The following SFI1 variants were observed in gnomAD, a reference collection of about 807,000 sequenced individuals.
SFI1 encodes SFI1 centrin binding protein.
Under a neutral mutation model 207.5 loss-of-function variants are expected in SFI1, and 195 were observed. The ratio of observed to expected loss-of-function variants is 0.94; its 90% CI spans 0.84 to 1.06. SFI1 has a LOEUF of 1.06. Among genes scored for constraint, SFI1 ranks in the 50% least tolerant of loss-of-function variants. SFI1 has a pLI of 0.00. For missense variants in SFI1, 1,634 were observed against 1,588.0 expected, an observed-to-expected ratio of 1.03 and a Z score of -0.49; for synonymous variants, 630 against 598.9, an observed-to-expected ratio of 1.05 and a Z score of -0.76.
chr22:31,574,920 G>C (rs1432603220), intron 9 of SFI1, among the ~76,000 whole-genome samples: 2 of 152,022 alleles, frequency 1.3e-5, no homozygotes. Context: ...TCAGCCAGGG[G>C]TGGTGGCACA....
intron 2 of SFI1, chr22:31,521,262 A>T: frequency 5.3e-6 from 1 of 187,768 alleles, no homozygotes; most frequent in Non-Finnish European, 1.2e-5. Flanking sequence ...GAATGACACC[A>T]TCACCAGCAA....
At chr22:31,575,722 A>G (rs1260268371) in intron 10 of SFI1, among the ~76,000 whole-genome samples, 1 of 151,932 alleles carries the variant, frequency 6.6e-6, no homozygotes, top group Admixed American at 6.6e-5. Context: ...CCTGATTCAC[A>G]TTTTTTGGTG....
chr22:31,518,312 T>C (rs1469078784), intron 2 of SFI1, among the ~76,000 whole-genome samples: 1 of 152,158 alleles, frequency 6.6e-6, no homozygotes, highest in Non-Finnish European at 1.5e-5. Context: ...GTGGTTTTAA[T>C]TGAGATTACT....
At chr22:31,597,485 C>T (rs529869863) in intron 15 of SFI1, among the ~76,000 whole-genome samples, 2 of 152,274 alleles carry the variant, frequency 1.3e-5, no homozygotes, top group South Asian at 2.1e-4. Context: ...TATGCTCTGT[C>T]GCCTGCCAGC....
At chr22:31,612,993 G>A (rs532323414) in intron 24 of SFI1, 149 bp from the exon 25 acceptor site, 133 of 735,350 alleles carry the variant, frequency 1.8e-4, no homozygotes, top group Non-Finnish European at 2.4e-4. Context: ...GCATCTCACC[G>A]CCAGGCACAA....
chr22:31,598,458 C>T (rs984668712), intron 15 of SFI1, among the ~76,000 whole-genome samples: 5 of 150,722 alleles, frequency 3.3e-5, no homozygotes, highest in Admixed American at 6.6e-5. Flanking sequence ...TTTTTCTTGT[C>T]GCCCAGGCTG....
At position 31,576,326 on chromosome 22, in the gene SFI1, C is replaced by CT. The variant is rs962995134; in HGVS notation, c.1084+946dup. 5.2e-3 allele frequency among the ~76,000 whole-genome samples: 634 copies of CT among 122,344 alleles called. 4 individuals carry two copies. Among genetic ancestry groups the CT allele is most frequent in the African/African-American group, 0.012 (385 of 32,640 alleles). The allele number at this position is 122,344 out of a possible 152,430, so 80.3% of individuals were successfully genotyped here. A position where few individuals can be genotyped will look rare whatever the true frequency, so the allele number is the denominator to read the frequency against. On this transcript the variant is annotated intron_variant, in intron 10 of 32. Transcript: ENST00000400288. ...AGGCATGAGCCAGCGTACCCAGCCT[C>CT]TTTTTTTTTTTTGAGACAGAGTCTC...
chr22:31,509,957 G>A (rs1331990409), intron 2 of SFI1, among the ~76,000 whole-genome samples: 2 of 151,866 alleles, frequency 1.3e-5, no homozygotes, highest in African/African-American at 4.8e-5. Context: ...GTCTCGCTCT[G>A]TTGCCCAGGC....
intron 2 of SFI1, among the ~76,000 whole-genome samples, chr22:31,523,574 G>A (rs533998511): frequency 9.9e-5 from 15 of 152,240 alleles, no homozygotes; most frequent in African/African-American, 3.1e-4. Flanking sequence ...TGTGAAGTCC[G>A]TTATCTCTTT....
intron 3 of SFI1, among the ~76,000 whole-genome samples, chr22:31,529,441 G>A (rs910476350): frequency 1.3e-5 from 2 of 152,000 alleles, no homozygotes; most frequent in Non-Finnish European, 1.5e-5. Flanking sequence ...CACGAGAATC[G>A]CTTGAACCTG....
At chr22:31,566,558 C>T (rs1246237012) in intron 8 of SFI1, among the ~76,000 whole-genome samples, 1 of 152,234 alleles carries the variant, frequency 6.6e-6, no homozygotes, top group African/African-American at 2.4e-5. Context: ...GGAATTCTGC[C>T]TCTATCACCT....
In SFI1 at chr22:31,590,974, TA is replaced by T. The variant is rs1360458391; in HGVS notation, c.1544+1398del. 8.7e-3 allele frequency among the ~76,000 whole-genome samples: 1,302 copies of T among 149,244 alleles called. 15 individuals are homozygous for T. The highest frequency in any genetic ancestry group is 0.048 in the Middle Eastern group (14 of 294). ...CTTTTTATTTATTTATTTATTTATT[TA>T]TTTATTTTTTTATTGATAATTCTTG... is the stretch of plus-strand genomic sequence containing the variant. On this transcript the variant is annotated intron_variant, in intron 15 of 32. Coordinates refer to ENST00000400288, the MANE Select transcript of SFI1 (RefSeq NM_001007467.3).
intron 28 of SFI1, 86 bp from the exon 29 acceptor site, chr22:31,614,962 G>A: frequency 6.4e-7 from 1 of 1,573,114 alleles, no homozygotes. Context: ...GCAGCCCTGG[G>A]GTGGGTGGCC....
intron 7 of SFI1, 91 bp downstream of exon 7, chr22:31,557,150 A>C (rs2061248176): frequency 1.3e-6 from 1 of 749,802 alleles, no homozygotes. Context: ...ACCTCACCTT[A>C]AAACAATGGT....
intron 4 of SFI1, among the ~76,000 whole-genome samples, chr22:31,539,439 C>T (rs530242572): frequency 8.5e-5 from 13 of 152,190 alleles, no homozygotes; most frequent in South Asian, 8.3e-4. Context: ...TTTTAATTTC[C>T]GAGAGCTTGT....
chr22:31,513,603 A>G (rs1421902462), intron 2 of SFI1, among the ~76,000 whole-genome samples: 3 of 48,370 alleles, frequency 6.2e-5, no homozygotes, highest in Admixed American at 5.2e-4. Context: ...TTTTAGACAG[A>G]GTCTTGCTCT....
At chr22:31,509,090 G>T (rs1357979169) in intron 2 of SFI1, among the ~76,000 whole-genome samples, 2 of 152,064 alleles carry the variant, frequency 1.3e-5, no homozygotes, top group East Asian at 3.9e-4. Flanking sequence ...TACATAAATT[G>T]ATTTTTGAAT....
intron 6 of SFI1, among the ~76,000 whole-genome samples, chr22:31,552,974 G>T (rs2060761923): frequency 1.3e-5 from 2 of 152,004 alleles, no homozygotes; most frequent in African/African-American, 4.8e-5. Context: ...CTCCTGAGTA[G>T]CTGGGACCGT....
chr22:31,521,350 C>A (rs1418158336), intron 2 of SFI1: 1 of 167,628 alleles, frequency 6.0e-6, no homozygotes, highest in Non-Finnish European at 1.4e-5. Flanking sequence ...AATAGCTTTA[C>A]CTTTAAATCT....
Sources: gnomAD v4.1 joint callset for allele counts (sites outside exome capture counted in the v4.1 genomes callset) on GRCh38, gnomAD v4.1.1 for gene constraint, MANE v1.5 for transcripts, NCBI Gene and HGNC (gene_info 2026-07-23, HGNC 2026-07-21) for gene names.